KCNJ4: variants seen among roughly 807,000 people sequenced by gnomAD.
The protein encoded by KCNJ4 is potassium inwardly rectifying channel subfamily J member 4.
KCNJ4 carries 3 observed loss-of-function variants against 25.6 expected under a neutral mutation model. The ratio of observed to expected loss-of-function variants is 0.12; its 90% CI spans 0.05 to 0.30. The LOEUF (loss-of-function observed/expected upper bound fraction) is 0.30. Ranked by LOEUF, KCNJ4 falls within the 10% of genes least tolerant of loss-of-function variation. The pLI, the probability that KCNJ4 is intolerant of heterozygous loss-of-function variation, is 1.00. For missense variants in KCNJ4, 286 were observed against 666.8 expected, an observed-to-expected ratio of 0.43 and a Z score of 6.29; for synonymous variants, 257 against 283.9, an observed-to-expected ratio of 0.91 and a Z score of 0.95.
Position 38,427,602 on chromosome 22 carries a change from C to A in KCNJ4, c.531G>T (p.Arg177=). Residue 177 remains arginine, a synonymous_variant, in exon 2 of 2, where the codon CGG becomes CGT. Coordinates refer to ENST00000303592, the MANE Select transcript of KCNJ4 (RefSeq NM_152868.3). The part of the protein sequence containing the change: ...MIGTIMAKMA[R]PKKRAQTLLF... Reference sequence around the variant, plus strand: ...GCAACGTCTGCGCCCGCTTCTTGGGCCGCGCCATCTTGGCCATGATGGTGC... The same window carrying A: ...GCAACGTCTGCGCCCGCTTCTTGGGACGCGCCATCTTGGCCATGATGGTGC... The A allele has an allele frequency of 6.2e-7, 1 of 1,612,406 alleles. No individual in the cohort carries two copies. The highest frequency in any genetic ancestry group is 8.5e-7 in the Non-Finnish European group (1 of 1,179,232).
At chr22:38,440,578 T>C (rs2089325269) in intron 1 of KCNJ4, among the ~76,000 whole-genome samples, 1 of 152,094 alleles carries the variant, frequency 6.6e-6, no homozygotes, top group Non-Finnish European at 1.5e-5. Context: ...AGATAAACAT[T>C]CCCAGTATAA....
chr22:38,428,841 T>G (rs1469337138), intron 1 of KCNJ4, among the ~76,000 whole-genome samples: 1 of 151,862 alleles, frequency 6.6e-6, no homozygotes, highest in African/African-American at 2.4e-5. Context: ...TCTCAGCATT[T>G]TAGGAGGCCG....
intron 1 of KCNJ4, 147 bp from the exon 2 acceptor site, chr22:38,428,318 G>C: frequency 1.4e-6 from 1 of 739,632 alleles, no homozygotes; most frequent in South Asian, 1.8e-5. Context: ...GAGGGTGGCA[G>C]CAGAGGTGGC....
chr22:38,442,319 C>A (rs1440707815), intron 1 of KCNJ4, among the ~76,000 whole-genome samples: 1 of 151,970 alleles, frequency 6.6e-6, no homozygotes, highest in African/African-American at 2.4e-5. Context: ...GAGGCCGAGG[C>A]GGGCGGATCA....
chr22:38,453,874 G>C (rs1478279709), intron 1 of KCNJ4, among the ~76,000 whole-genome samples: 1 of 152,126 alleles, frequency 6.6e-6, no homozygotes, highest in African/African-American at 2.4e-5. Context: ...TTGGGATATG[G>C]GTCAGTTCAG....
At position 38,434,077 on chromosome 22, in the gene KCNJ4, G is replaced by A. The variant is rs569580727; in HGVS notation, c.-39-5906C>T. Among the ~76,000 whole-genome samples, 7 of 152,132 alleles carry A rather than the reference G, an allele frequency of 4.6e-5. No individual in the cohort carries two copies. The East Asian group carries it at 5.8e-4, about 13-fold the overall frequency. On this transcript the variant is annotated intron_variant, in intron 1 of 1. Coordinates refer to ENST00000303592, the MANE Select transcript of KCNJ4 (RefSeq NM_152868.3). ...CCATGGCCACTGCAGGGGCACCTCC[G>A]CCAGGCCCTGCCAGAGCCAGGCAGC...
At chr22:38,450,904 T>TA in intron 1 of KCNJ4, among the ~76,000 whole-genome samples, 1 of 152,238 alleles carries the variant, frequency 6.6e-6, no homozygotes, top group East Asian at 1.9e-4. Flanking sequence ...CGTTTTCCAC[T>TA]CTTTCCCCAG....
intron 1 of KCNJ4, among the ~76,000 whole-genome samples, chr22:38,445,387 A>G (rs2089366653): frequency 6.6e-6 from 1 of 151,752 alleles, no homozygotes; most frequent in Non-Finnish European, 1.5e-5. Context: ...AACCTCTATC[A>G]GGGCGCCTCC....
intron 1 of KCNJ4, among the ~76,000 whole-genome samples, chr22:38,452,047 G>A (rs1184732571): frequency 6.6e-6 from 1 of 152,206 alleles, no homozygotes; most frequent in Non-Finnish European, 1.5e-5. Context: ...TGCCTTTGAG[G>A]ATTCTGTCAT....
At chr22:38,432,695 G>A (rs1183354967) in intron 1 of KCNJ4, among the ~76,000 whole-genome samples, 12 of 152,156 alleles carry the variant, frequency 7.9e-5, no homozygotes, top group Non-Finnish European at 1.3e-4. Context: ...TGGGCCGGGC[G>A]CGGTGGCTCA....
At chr22:38,446,154 T>C (rs2089372998) in intron 1 of KCNJ4, among the ~76,000 whole-genome samples, 1 of 152,234 alleles carries the variant, frequency 6.6e-6, no homozygotes. Flanking sequence ...CCCACTTGAC[T>C]GTGAGGAGTA....
At chr22:38,448,686 G>C (rs919227105) in intron 1 of KCNJ4, among the ~76,000 whole-genome samples, 1 of 152,188 alleles carries the variant, frequency 6.6e-6, no homozygotes, top group African/African-American at 2.4e-5. Context: ...GAGCAGCTCC[G>C]GGTTGAGAGG....
chr22:38,426,752 G>A lies in KCNJ4; in HGVS notation c.*43C>T, dbSNP rs779490091. ...GGGGGTGTCCTGGCATCCCACCCCC[G>A]GCAGAGGCTCTTGTGGGCAGTGGTG... On this transcript the variant is annotated 3_prime_UTR_variant, in exon 2 of 2. Transcript: ENST00000303592. The A allele has an allele frequency of 7.9e-5, 123 of 1,560,024 alleles. No individual in the cohort carries two copies. Among genetic ancestry groups the A allele is most frequent in the Non-Finnish European group, 9.5e-5 (109 of 1,150,428 alleles).
chr22:38,450,264 C>G (rs2089402682), intron 1 of KCNJ4, among the ~76,000 whole-genome samples: 2 of 152,114 alleles, frequency 1.3e-5, no homozygotes, highest in Admixed American at 6.5e-5. Context: ...TTGCCAGGAC[C>G]CACAGTCCTC....
At chr22:38,447,784 G>A (rs1421573866) in intron 1 of KCNJ4, among the ~76,000 whole-genome samples, 2 of 152,098 alleles carry the variant, frequency 1.3e-5, no homozygotes, top group Admixed American at 6.6e-5. Flanking sequence ...GAACCCTCCC[G>A]TCCGGGTGCA....
At position 38,426,899 on chromosome 22, in the gene KCNJ4, C is replaced by T. The variant is rs1157652526; in HGVS notation, c.1234G>A (p.Gly412Ser). 6.2e-7 allele frequency: 1 copy of T among 1,613,052 alleles called. No individual in the cohort carries two copies. The highest frequency in any genetic ancestry group is 2.2e-5 in the East Asian group (1 of 44,850). The change falls in exon 2 of 2, where the codon GGC becomes AGC. Residue 412 changes from glycine (G) to serine (S), a missense_variant. Around this residue, in one of 11 missense-constraint regions of KCNJ4, gnomAD observed 77 missense variants for 97.6 expected, o/e 0.79. Coordinates refer to ENST00000303592, the MANE Select transcript of KCNJ4 (RefSeq NM_152868.3). ...GLEAGSKEEA[G>S]IIRMLEFGSH... Reference sequence around the variant, plus strand: ...CCGAACTCCAGCATCCGGATGATGCCCGCCTCCTCCTTGGAACCCGCCTCC... The same window carrying T: ...CCGAACTCCAGCATCCGGATGATGCTCGCCTCCTCCTTGGAACCCGCCTCC...
chr22:38,442,571 A>G (rs1464825287), intron 1 of KCNJ4, among the ~76,000 whole-genome samples: 1 of 139,734 alleles, frequency 7.2e-6, no homozygotes. Flanking sequence ...AAGGACTGTC[A>G]CCCCGAAAGT....
At chr22:38,431,040 A>G (rs1220190252) in intron 1 of KCNJ4, among the ~76,000 whole-genome samples, 1 of 152,224 alleles carries the variant, frequency 6.6e-6, no homozygotes. Context: ...CTGGACCACC[A>G]TCCACAGGTG....
At chr22:38,433,728 G>C (rs1003939040) in intron 1 of KCNJ4, among the ~76,000 whole-genome samples, 7 of 152,154 alleles carry the variant, frequency 4.6e-5, no homozygotes, top group Admixed American at 2.6e-4. Context: ...CACCGTGTCC[G>C]AGGTGGCACA....
Sources: allele counts gnomAD v4.1 joint callset (sites outside exome capture counted in the v4.1 genomes callset), GRCh38; gene constraint gnomAD v4.1.1; regional missense constraint gnomAD v4.1.1; transcripts MANE v1.5; gene names NCBI Gene and HGNC (gene_info 2026-07-23, HGNC 2026-07-21).